AVL9: variants seen among roughly 807,000 people sequenced by gnomAD.
AVL9 encodes late secretory pathway protein AVL9 homolog.
Under a neutral mutation model 79.2 loss-of-function variants are expected in AVL9, and 49 were observed. That is an observed-to-expected ratio of 0.62 (90% CI 0.49 to 0.79). The LOEUF is 0.79. AVL9 is among the 30% of genes least tolerant of loss of function. AVL9 has a pLI of 0.00. For synonymous variants in AVL9, 299 were observed against 280.6 expected (o/e 1.07, Z -0.65); for missense variants, 682 against 776.8 (o/e 0.88, Z 1.45).
intron 1 of AVL9, among the ~76,000 whole-genome samples, chr7:32,518,478 T>C (rs1788003369): frequency 6.6e-6 from 1 of 151,828 alleles, no homozygotes; most frequent in Non-Finnish European, 1.5e-5. Context: ...GAAAACATTG[T>C]TTCAAAAAAA....
At chr7:32,546,757 G>A (rs1168153975) in intron 3 of AVL9, among the ~76,000 whole-genome samples, 1 of 152,070 alleles carries the variant, frequency 6.6e-6, no homozygotes, top group African/African-American at 2.4e-5. Context: ...CAGGAGGGCA[G>A]AGGCTGCAGT....
In AVL9 at chr7:32,585,480, G is replaced by A. The variant is rs1433981349; in HGVS notation, c.*1573G>A. On this transcript the variant is annotated 3_prime_UTR_variant, in exon 16 of 16. Coordinates refer to ENST00000318709, the MANE Select transcript of AVL9 (RefSeq NM_015060.3). ...TACCTGGGATGGCTGTTCTCAGAGA[G>A]TACTTACGGGGAACAGACTGCCTTT... The A allele has an allele frequency of 6.6e-6, 1 of 152,204 alleles. No homozygotes were observed. Among genetic ancestry groups the A allele is most frequent in the Non-Finnish European group, 1.5e-5 (1 of 68,046 alleles). 9.4% of individuals were successfully genotyped at this position (152,204 alleles called of 1,614,324 possible).
intron 10 of AVL9, among the ~76,000 whole-genome samples, chr7:32,566,460 T>C (rs78140817): frequency 1 from 150,971 of 150,974 alleles, 75,484 homozygotes; most frequent in Middle Eastern, 1. Flanking sequence ...TGAGCCACCA[T>C]GCCCAGCCAA....
intron 1 of AVL9, among the ~76,000 whole-genome samples, chr7:32,524,738 C>G (rs1320858871): frequency 6.6e-6 from 1 of 152,158 alleles, no homozygotes; most frequent in East Asian, 1.9e-4. Flanking sequence ...CTAGTTGGGA[C>G]AAATCCTCCA....
intron 10 of AVL9, among the ~76,000 whole-genome samples, chr7:32,566,546 TA>T (rs377613249): frequency 1 from 151,721 of 151,722 alleles, 75,860 homozygotes; most frequent in Middle Eastern, 1. Context: ...TAAATACTAA[TA>T]TTTTAAAAAA....
chr7:32,520,957 T>C (rs1788116243), intron 1 of AVL9, among the ~76,000 whole-genome samples: 1 of 152,156 alleles, frequency 6.6e-6, no homozygotes, highest in Admixed American at 6.5e-5. Context: ...AGTGAATAAG[T>C]CACACGAGAT....
chr7:32,580,783 T>A lies in AVL9; in HGVS notation c.1743-19T>A, dbSNP rs1791462376. 1 of 1,599,096 alleles carries A rather than the reference T, an allele frequency of 6.3e-7. No homozygotes were observed. Among genetic ancestry groups the A allele is most frequent in the East Asian group, 2.2e-5 (1 of 44,724 alleles). On this transcript the variant is annotated intron_variant, in intron 14 of 15. Coordinates refer to ENST00000318709, the MANE Select transcript of AVL9 (RefSeq NM_015060.3). ...TTAAAATTGTACCTAACACTTCTTTTATCTTATCTTTTACCCAGTTCTGTT... is the reference window on the plus strand; with the variant it reads ...TTAAAATTGTACCTAACACTTCTTTAATCTTATCTTTTACCCAGTTCTGTT...
At chr7:32,526,262 C>T (rs1470019645) in intron 1 of AVL9, among the ~76,000 whole-genome samples, 3 of 152,160 alleles carry the variant, frequency 2.0e-5, no homozygotes, top group Non-Finnish European at 4.4e-5. Flanking sequence ...TTAACTGCTT[C>T]CTGCTGACAG....
intron 6 of AVL9, among the ~76,000 whole-genome samples, chr7:32,553,360 G>A (rs1256304406): frequency 3.9e-5 from 6 of 152,130 alleles, no homozygotes; most frequent in Non-Finnish European, 2.9e-5. Flanking sequence ...TGTTAAACCT[G>A]CACTGTCCAA....
Position 32,558,976 on chromosome 7 carries a change from A to C in AVL9, c.727A>C (p.Lys243Gln), listed in dbSNP as rs992438760. Residue 243 changes from lysine to glutamine, a missense_variant, in exon 10 of 16, where the codon AAA (lysine) becomes CAA (glutamine). Coordinates refer to ENST00000318709, the MANE Select transcript of AVL9 (RefSeq NM_015060.3). ...TGACTGTTCTCAGTATAGACCCCGG[A>C]AAAGTATGTCTGAAGATGGTGGGCT... The part of the protein sequence containing the change: ...LSDCSQYRPR[K>Q]SMSEDGGLQE... 2 of 1,611,804 alleles carry C rather than the reference A, an allele frequency of 1.2e-6. No homozygotes were observed. The highest frequency in any genetic ancestry group is 2.7e-5 in the African/African-American group (2 of 74,810).
At chr7:32,569,721 C>T (rs1436517519) in intron 10 of AVL9, among the ~76,000 whole-genome samples, 1 of 152,210 alleles carries the variant, frequency 6.6e-6, no homozygotes, top group Non-Finnish European at 1.5e-5. Flanking sequence ...TCATTAGTTA[C>T]TGTGGAGACT....
chr7:32,559,841 CTG>C (rs1449927658), intron 10 of AVL9: 2 of 163,318 alleles, frequency 1.2e-5, no homozygotes, highest in African/African-American at 2.4e-5. Flanking sequence ...TTACAGAACA[CTG>C]TGATAAAGCG....
At chr7:32,568,441 TC>T (rs1234244612) in intron 10 of AVL9, among the ~76,000 whole-genome samples, 2 of 152,086 alleles carry the variant, frequency 1.3e-5, no homozygotes, top group African/African-American at 4.8e-5. Context: ...CCTCAAGTGA[TC>T]CGCCTGCCTC....
intron 12 of AVL9, among the ~76,000 whole-genome samples, chr7:32,574,821 T>G (rs777166794): frequency 2.3e-4 from 35 of 152,308 alleles, no homozygotes; most frequent in Non-Finnish European, 4.1e-4. Context: ...CCCAATGAAC[T>G]GCTTGAGGAA....
At chr7:32,565,103 T>C (rs1790497352) in intron 10 of AVL9, among the ~76,000 whole-genome samples, 1 of 152,164 alleles carries the variant, frequency 6.6e-6, no homozygotes, top group Admixed American at 6.5e-5. Flanking sequence ...TGGAGCAAAA[T>C]AGTTAGTGGA....
rs371389146 is a variant in AVL9, at chr7:32,499,327, A to G, written c.93+3525A>G. Among the ~76,000 whole-genome samples the G allele has an allele frequency of 5.3e-5, 8 of 150,684 alleles. No individual in the cohort carries two copies. The East Asian group carries it at 1.6e-3, about 30-fold the overall frequency. ...GTCGGACTACCAAAATTTTTTGCTA[A>G]GTAGCATCAAATATATATCACATTA... On this transcript the variant is annotated intron_variant, in intron 1 of 15. Coordinates refer to ENST00000318709, the MANE Select transcript of AVL9 (RefSeq NM_015060.3).
chr7:32,536,742 C>CCATATGGG (rs1788929123), intron 1 of AVL9: 1 of 152,174 alleles, frequency 6.6e-6, no homozygotes, highest in Admixed American at 6.5e-5. Flanking sequence ...ACTTTGCTAC[C>CCATATGGG]AATTCAGGGC....
intron 1 of AVL9, among the ~76,000 whole-genome samples, chr7:32,509,219 A>G (rs892939165): frequency 6.6e-6 from 1 of 152,118 alleles, no homozygotes; most frequent in African/African-American, 2.4e-5. Context: ...CTCTTTTTGC[A>G]GGAGACTTTC....
chr7:32,532,466 C>A (rs1208670644), intron 1 of AVL9: 2 of 152,138 alleles, frequency 1.3e-5, no homozygotes, highest in African/African-American at 2.4e-5. Flanking sequence ...CTACCTCCAT[C>A]CCTATCAATA....
Sources: allele counts gnomAD v4.1 joint callset (sites outside exome capture counted in the v4.1 genomes callset), GRCh38; gene constraint gnomAD v4.1.1; transcripts MANE v1.5; gene names NCBI Gene and HGNC (gene_info 2026-07-23, HGNC 2026-07-21).